Variants in CNTN4 observed in about 807,000 individuals in gnomAD.
CNTN4 encodes the protein contactin-4.
A neutral mutation model predicts 122.5 loss-of-function variants in CNTN4; 77 were observed. The ratio of observed to expected loss-of-function variants is 0.63; its 90% CI spans 0.52 to 0.76. The LOEUF is 0.76. Ranked by LOEUF, CNTN4 falls within the 30% of genes least tolerant of loss-of-function variation. The probability of loss-of-function intolerance (pLI) is 0.00; values close to 1 mark genes in which losing one functional copy is unlikely to be tolerated. For synonymous variants in CNTN4, 512 were observed against 447.0 expected, an observed-to-expected ratio of 1.15 and a Z score of -1.83; for missense variants, 1,256 against 1,259.1, an observed-to-expected ratio of 1.00 and a Z score of 0.04.
At chr3:2,668,407 A>G (rs781705498) in intron 4 of CNTN4, among the ~76,000 whole-genome samples, 47 of 152,082 alleles carry the variant, frequency 3.1e-4, no homozygotes, top group Admixed American at 8.5e-4. Context: ...TGTTATTGGT[A>G]TATAAGAATG....
chr3:2,206,919 T>C (rs73099951), intron 2 of CNTN4, among the ~76,000 whole-genome samples: 16,374 of 151,396 alleles, frequency 0.11, 1,231 homozygotes, highest in East Asian at 0.23. Context: ...TTGTGGCAAC[T>C]CTGAGTTGAG....
intron 3 of CNTN4, among the ~76,000 whole-genome samples, chr3:2,516,273 G>T (rs558870150): frequency 7.2e-5 from 11 of 152,004 alleles, no homozygotes; most frequent in Non-Finnish European, 1.6e-4. Context: ...CAGGCCTGTT[G>T]TAAGTAGAAT....
At chr3:2,545,597 C>G (rs1442472734) in intron 3 of CNTN4, among the ~76,000 whole-genome samples, 1 of 151,032 alleles carries the variant, frequency 6.6e-6, no homozygotes, top group East Asian at 1.9e-4. Context: ...TGAATTGAAC[C>G]CTTTACTGTT....
At chr3:2,360,642 A>G (rs1373252469) in intron 3 of CNTN4, among the ~76,000 whole-genome samples, 1 of 152,166 alleles carries the variant, frequency 6.6e-6, no homozygotes, top group African/African-American at 2.4e-5. Flanking sequence ...AGGTAGGCTA[A>G]GGGGAAGCAA....
chr3:2,762,997 A>T (rs2090662872), intron 6 of CNTN4, among the ~76,000 whole-genome samples: 1 of 135,396 alleles, frequency 7.4e-6, no homozygotes, highest in African/African-American at 2.8e-5. Context: ...GCTGGAGTGC[A>T]GTGGCTCGAT....
intron 10 of CNTN4, among the ~76,000 whole-genome samples, chr3:2,900,167 A>G (rs1221688577): frequency 5.9e-5 from 9 of 152,196 alleles, no homozygotes; most frequent in Non-Finnish European, 1.3e-4. Flanking sequence ...GGTCTTTTCC[A>G]ATCAGTGTGA....
intron 2 of CNTN4, among the ~76,000 whole-genome samples, chr3:2,293,685 G>A (rs528458180): frequency 6.6e-6 from 1 of 152,050 alleles, no homozygotes; most frequent in African/African-American, 2.4e-5. Context: ...TTTCTTACGA[G>A]TATATCTCTT....
At chr3:2,534,785 T>C (rs1304831790) in intron 3 of CNTN4, among the ~76,000 whole-genome samples, 1 of 123,314 alleles carries the variant, frequency 8.1e-6, no homozygotes. Flanking sequence ...CATTTTACTC[T>C]TGAGGACTGG....
intron 2 of CNTN4, among the ~76,000 whole-genome samples, chr3:2,227,088 G>A (rs1010908179): frequency 1.3e-5 from 2 of 152,000 alleles, no homozygotes; most frequent in Admixed American, 6.6e-5. Context: ...GTTACTACCT[G>A]CGTATTTATT....
At chr3:2,389,198 T>A (rs577353229) in intron 3 of CNTN4, among the ~76,000 whole-genome samples, 1 of 152,114 alleles carries the variant, frequency 6.6e-6, no homozygotes, top group African/African-American at 2.4e-5. Flanking sequence ...ATTTTAACTC[T>A]TGCCACTCAT....
At chr3:2,609,893 A>G (rs1335269668) in intron 4 of CNTN4, among the ~76,000 whole-genome samples, 2 of 152,150 alleles carry the variant, frequency 1.3e-5, no homozygotes, top group Non-Finnish European at 2.9e-5. Context: ...AACAAATGTC[A>G]TTGATTTCAT....
intron 3 of CNTN4, among the ~76,000 whole-genome samples, chr3:2,524,710 A>G (rs796163985): frequency 8.5e-5 from 13 of 152,134 alleles, no homozygotes; most frequent in African/African-American, 3.1e-4. Flanking sequence ...TGTCTTCAGT[A>G]GTGGCACACT....
In CNTN4 at chr3:2,150,775, G is replaced by A. The variant is rs76491694; in HGVS notation, c.-145+50136G>A. Among the ~76,000 whole-genome samples, 3 of 152,312 alleles carry A rather than the reference G, an allele frequency of 2.0e-5. No homozygotes were observed. The East Asian group carries it at 5.8e-4, about 29-fold the overall frequency. ...TCTCCTGCAGCTTTTAAGGATGACT[G>A]AACTGGAGAACATTCTGTTTAACCA... On this transcript the variant is annotated intron_variant, in intron 2 of 24. Coordinates refer to ENST00000418658, the MANE Select transcript of CNTN4 (RefSeq NM_175607.3).
chr3:3,034,890 C>A, intron 17 of CNTN4, 100 bp downstream of exon 17: 1 of 1,213,682 alleles, frequency 8.2e-7, no homozygotes, highest in Non-Finnish European at 1.2e-6. Flanking sequence ...GACACTACTA[C>A]AAATGATATA....
Position 2,480,055 on chromosome 3 carries a change from A to G in CNTN4, c.-88-91361A>G, listed in dbSNP as rs182761317. Reference sequence around the variant, plus strand: ...ATCACTAGATGCAGAAAAGCATTTGACAGATTCAACACTCATTCATGATAA... The same window carrying G: ...ATCACTAGATGCAGAAAAGCATTTGGCAGATTCAACACTCATTCATGATAA... On this transcript the variant is annotated intron_variant, in intron 3 of 24. Coordinates refer to ENST00000418658, the MANE Select transcript of CNTN4 (RefSeq NM_175607.3). Among the ~76,000 whole-genome samples, 3 of 152,312 alleles carry G rather than the reference A, an allele frequency of 2.0e-5. No homozygotes were observed. In the East Asian group the frequency reaches 5.8e-4, roughly 29 times the overall value.
intron 2 of CNTN4, among the ~76,000 whole-genome samples, chr3:2,204,999 C>G (rs917221034): frequency 1.3e-5 from 2 of 151,978 alleles, no homozygotes; most frequent in African/African-American, 4.8e-5. Flanking sequence ...TAGACAGATA[C>G]AGGTTGGGAA....
At chr3:2,123,349 G>C (rs922436159) in intron 2 of CNTN4, among the ~76,000 whole-genome samples, 6 of 152,204 alleles carry the variant, frequency 3.9e-5, no homozygotes, top group Non-Finnish European at 8.8e-5. Context: ...TTCCAGAGGA[G>C]TTTTTCCTTT....
At chr3:2,498,811 A>T (rs2076520363) in intron 3 of CNTN4, among the ~76,000 whole-genome samples, 7 of 150,482 alleles carry the variant, frequency 4.7e-5, no homozygotes. Flanking sequence ...TTTTTTTGAG[A>T]TGAAGTCTTG....
intron 4 of CNTN4, among the ~76,000 whole-genome samples, chr3:2,631,897 A>G (rs921551885): frequency 6.7e-6 from 1 of 149,714 alleles, no homozygotes; most frequent in African/African-American, 2.5e-5. Flanking sequence ...AACAACAACT[A>G]AAAAATTAGC....
Sources: allele counts gnomAD v4.1 joint callset (sites outside exome capture counted in the v4.1 genomes callset), GRCh38; gene constraint gnomAD v4.1.1; transcripts MANE v1.5; gene names NCBI Gene and HGNC (gene_info 2026-07-23, HGNC 2026-07-21).